CA10: variants seen among roughly 807,000 people sequenced by gnomAD.
The protein encoded by CA10 is carbonic anhydrase-related protein 10.
CA10 carries 14 observed loss-of-function variants against 44.2 expected under a neutral mutation model. That is an observed-to-expected ratio of 0.32 (90% CI 0.21 to 0.50). CA10 has a LOEUF of 0.50. Among genes scored for constraint, CA10 ranks in the 20% least tolerant of loss-of-function variants. CA10 has a pLI of 0.99. For synonymous variants in CA10, 159 were observed against 141.6 expected, an observed-to-expected ratio of 1.12 and a Z score of -0.87; for missense variants, 350 against 409.7, an observed-to-expected ratio of 0.85 and a Z score of 1.26.
chr17:51,647,038 A>G (rs377741994), intron 6 of CA10, among the ~76,000 whole-genome samples: 1 of 151,706 alleles, frequency 6.6e-6, no homozygotes, highest in South Asian at 2.1e-4. Context: ...GGGCCCTGAG[A>G]GGTGTAGAGT....
At chr17:52,054,372 GT>G (rs1987164955) in intron 2 of CA10, among the ~76,000 whole-genome samples, 1 of 152,066 alleles carries the variant, frequency 6.6e-6, no homozygotes, top group African/African-American at 2.4e-5. Flanking sequence ...GGTAAGACTG[GT>G]TGTCTGCTTT....
At chr17:51,660,671 C>T (rs371733783) in intron 4 of CA10, among the ~76,000 whole-genome samples, 5 of 152,274 alleles carry the variant, frequency 3.3e-5, no homozygotes, top group Middle Eastern at 3.4e-3. Flanking sequence ...CTTTTGTGAG[C>T]GCAAAAGAGC....
chr17:51,813,176 G>A (rs1907437003), intron 3 of CA10, among the ~76,000 whole-genome samples: 1 of 152,204 alleles, frequency 6.6e-6, no homozygotes, highest in African/African-American at 2.4e-5. Flanking sequence ...TCTGAAGGAA[G>A]CAGCTTCCTC....
intron 3 of CA10, among the ~76,000 whole-genome samples, chr17:51,863,379 C>T (rs1339535232): frequency 3.1e-4 from 47 of 152,318 alleles, no homozygotes; most frequent in Non-Finnish European, 4.4e-5. Flanking sequence ...CTTTGATTAT[C>T]CCCATGAGTT....
intron 1 of CA10, among the ~76,000 whole-genome samples, chr17:52,084,005 G>A (rs937182545): frequency 5.9e-5 from 9 of 152,092 alleles, no homozygotes; most frequent in African/African-American, 2.2e-4. Flanking sequence ...CCAACTTGTG[G>A]AAGAAAAAAG....
At chr17:52,101,267 A>G (rs1988533321) in intron 1 of CA10, among the ~76,000 whole-genome samples, 2 of 152,208 alleles carry the variant, frequency 1.3e-5, no homozygotes, top group African/African-American at 4.8e-5. Flanking sequence ...ACATCCTTTT[A>G]TTCATGAGCA....
intron 4 of CA10, among the ~76,000 whole-genome samples, chr17:51,702,585 C>T (rs1168483584): frequency 1.3e-5 from 2 of 152,260 alleles, no homozygotes; most frequent in Non-Finnish European, 2.9e-5. Context: ...GGACCCCAGA[C>T]TCCCTCTCCG....
At chr17:51,659,704 A>G (rs987819184) in intron 4 of CA10, among the ~76,000 whole-genome samples, 1 of 152,164 alleles carries the variant, frequency 6.6e-6, no homozygotes, top group African/African-American at 2.4e-5. Flanking sequence ...GCCAGCAGAA[A>G]CAACTCATTT....
intron 3 of CA10, among the ~76,000 whole-genome samples, chr17:51,755,761 C>G (rs1395738345): frequency 6.6e-6 from 1 of 152,142 alleles, no homozygotes; most frequent in East Asian, 1.9e-4. Flanking sequence ...ATTAGAAAAC[C>G]AGGTACAGGT....
intron 3 of CA10, among the ~76,000 whole-genome samples, chr17:51,766,021 G>A (rs962469088): frequency 3.3e-5 from 5 of 152,232 alleles, no homozygotes; most frequent in East Asian, 1.9e-4. Context: ...CAGGAATGCC[G>A]GGCAGCAAAA....
chr17:52,100,777 T>C (rs978832718), intron 1 of CA10, among the ~76,000 whole-genome samples: 9 of 152,156 alleles, frequency 5.9e-5, no homozygotes, highest in Non-Finnish European at 1.3e-4. Flanking sequence ...CCATCAAGCC[T>C]TTCCTGATAT....
At chr17:52,156,724 G>A (rs1989811280) in intron 1 of CA10, among the ~76,000 whole-genome samples, 1 of 152,198 alleles carries the variant, frequency 6.6e-6, no homozygotes, top group Non-Finnish European at 1.5e-5. Context: ...ATGGGAAGTT[G>A]GCCGAGTCCC....
chr17:51,666,323 A>C (rs182022959), intron 4 of CA10, among the ~76,000 whole-genome samples: 38 of 152,280 alleles, frequency 2.5e-4, no homozygotes, highest in Admixed American at 2.4e-3. Flanking sequence ...AAAGGTAAGG[A>C]CAGACCACAT....
chr17:51,733,685 TGATGGCAA>T (rs938463330), intron 4 of CA10, among the ~76,000 whole-genome samples: 3 of 152,168 alleles, frequency 2.0e-5, no homozygotes, highest in African/African-American at 7.2e-5. Context: ...CTCTTTTGTT[TGATGGCAA>T]AGGAGGCTAA....
intron 3 of CA10, among the ~76,000 whole-genome samples, chr17:51,902,167 C>G (rs749204413): frequency 1.3e-5 from 2 of 152,044 alleles, no homozygotes; most frequent in Non-Finnish European, 2.9e-5. Flanking sequence ...GATGACTAGG[C>G]AATGTTTTTT....
intron 1 of CA10, among the ~76,000 whole-genome samples, chr17:52,124,431 C>T (rs543712146): frequency 2.0e-5 from 3 of 152,312 alleles, no homozygotes; most frequent in Admixed American, 6.5e-5. Context: ...TGTTACATTA[C>T]CAAGGACCTC....
intron 3 of CA10, among the ~76,000 whole-genome samples, chr17:51,925,361 T>C (rs1019870399): frequency 3.3e-5 from 5 of 151,554 alleles, no homozygotes; most frequent in Non-Finnish European, 5.9e-5. Flanking sequence ...ATTAGGGAAA[T>C]GTAAATCAAA....
upstream of CA10, chr17:52,160,016 G>C (rs1226167863): frequency 6.6e-6 from 1 of 152,166 alleles, no homozygotes; most frequent in Admixed American, 6.5e-5. Context: ...ATTGGGAACT[G>C]TGACGTTAGG....
intron 1 of CA10, among the ~76,000 whole-genome samples, 187 bp downstream of exon 1, chr17:52,157,539 G>GC (rs35032366): frequency 7.9e-6 from 1 of 126,558 alleles, no homozygotes; most frequent in African/African-American, 3.0e-5. Flanking sequence ...ACCCCCCCCC[G>GC]CAAAACACAC....
Sources: gnomAD v4.1 joint callset for allele counts (sites outside exome capture counted in the v4.1 genomes callset) on GRCh38, gnomAD v4.1.1 for gene constraint, MANE v1.5 for transcripts, NCBI Gene and HGNC (gene_info 2026-07-23, HGNC 2026-07-21) for gene names.